The following TMPRSS15 variants were observed in gnomAD, a reference collection of about 807,000 sequenced individuals.
TMPRSS15 encodes the protein transmembrane serine protease 15, also known as enteropeptidase.
A neutral mutation model predicts 125.3 loss-of-function variants in TMPRSS15; 128 were observed. That is an observed-to-expected ratio of 1.02 (90% CI 0.89 to 1.18). The LOEUF (loss-of-function observed/expected upper bound fraction) is 1.18, where lower values mean the gene tolerates loss of function less well. Among genes scored for constraint, TMPRSS15 ranks in the 50% most tolerant of loss-of-function variants. TMPRSS15 has a pLI of 0.00. For missense variants in TMPRSS15, 1,283 were observed against 1,212.7 expected (o/e 1.06, Z -0.86); for synonymous variants, 446 against 423.2 (o/e 1.05, Z -0.66).
intron 21 of TMPRSS15, among the ~76,000 whole-genome samples, chr21:18,289,659 C>T (rs371061524): frequency 1.3e-5 from 2 of 152,184 alleles, no homozygotes; most frequent in African/African-American, 4.8e-5. Context: ...CCTGTGATGT[C>T]TCTGGTCTGC....
At chr21:18,354,433 T>G (rs2075604230) in intron 8 of TMPRSS15, among the ~76,000 whole-genome samples, 1 of 151,626 alleles carries the variant, frequency 6.6e-6, no homozygotes, top group Non-Finnish European at 1.5e-5. Context: ...TTTTTTTTCA[T>G]TTTTGATTGT....
chr21:18,328,978 A>C (rs1396154846), intron 15 of TMPRSS15, among the ~76,000 whole-genome samples, 191 bp downstream of exon 15: 1 of 152,210 alleles, frequency 6.6e-6, no homozygotes, highest in Non-Finnish European at 1.5e-5. Context: ...AACGTTCAAG[A>C]AAAATATTCC....
chr21:18,368,111 A>G (rs1485330149), intron 6 of TMPRSS15, among the ~76,000 whole-genome samples: 5 of 152,202 alleles, frequency 3.3e-5, no homozygotes, highest in African/African-American at 4.8e-5. Flanking sequence ...ACACACAGAG[A>G]GAGAAAGGGA....
intron 1 of TMPRSS15, among the ~76,000 whole-genome samples, chr21:18,402,603 A>T (rs2076106236): frequency 6.6e-6 from 1 of 152,056 alleles, no homozygotes. Context: ...AAATGTAAAA[A>T]ATTGTTTTTA....
At chr21:18,365,387 T>C (rs2075717187) in intron 6 of TMPRSS15, 139 bp from the exon 7 acceptor site, 3 of 751,308 alleles carry the variant, frequency 4.0e-6, no homozygotes, top group Non-Finnish European at 7.0e-6. Flanking sequence ...GATTTCATGT[T>C]TGAAACCTAT....
At chr21:18,391,219 C>CA in intron 3 of TMPRSS15, among the ~76,000 whole-genome samples, 1 of 152,320 alleles carries the variant, frequency 6.6e-6, no homozygotes, top group Non-Finnish European at 1.5e-5. Flanking sequence ...AACAGTCCCT[C>CA]AAAGTTTTAA....
chr21:18,329,087 T>A, intron 15 of TMPRSS15, 82 bp downstream of exon 15: 1 of 1,515,212 alleles, frequency 6.6e-7, no homozygotes, highest in Non-Finnish European at 9.1e-7. Context: ...AAAGAGTGAT[T>A]ACATTAATTA....
chr21:18,348,965 C>T (rs1230264501), intron 10 of TMPRSS15, among the ~76,000 whole-genome samples: 2 of 152,130 alleles, frequency 1.3e-5, no homozygotes, highest in African/African-American at 4.8e-5. Flanking sequence ...CTCAACCTCA[C>T]TTTCCAGATA....
At chr21:18,369,973 CGAAAA>C (rs1057317583) in intron 6 of TMPRSS15, among the ~76,000 whole-genome samples, 14 of 135,998 alleles carry the variant, frequency 1.0e-4, no homozygotes, top group Admixed American at 2.2e-4. Flanking sequence ...CTTACTTAAA[CGAAAA>C]AAAAAAAAAA....
At chr21:18,312,474 G>A (rs1369445541) in intron 18 of TMPRSS15, among the ~76,000 whole-genome samples, 26 of 148,034 alleles carry the variant, frequency 1.8e-4, no homozygotes, top group Non-Finnish European at 7.5e-5. Context: ...TAATTTTAAA[G>A]ATATTTTACA....
intron 17 of TMPRSS15, 48 bp from the exon 18 acceptor site, chr21:18,313,125 C>A (rs367616414): frequency 2.2e-6 from 3 of 1,344,626 alleles, no homozygotes; most frequent in Middle Eastern, 1.8e-4. Context: ...CTGAAGGGTG[C>A]GGAGTATGGG....
chr21:18,458,934 T>A (rs571349928), intron 1 of TMPRSS15, among the ~76,000 whole-genome samples: 2 of 152,316 alleles, frequency 1.3e-5, no homozygotes, highest in South Asian at 4.1e-4. Flanking sequence ...TTATCTTTTT[T>A]ATTTTGTTGT....
At chr21:18,337,253 T>A (rs1418420502) in intron 13 of TMPRSS15, among the ~76,000 whole-genome samples, 1 of 152,134 alleles carries the variant, frequency 6.6e-6, no homozygotes, top group Non-Finnish European at 1.5e-5. Context: ...AATGGTGAAA[T>A]AAAGAAAAAC....
At chr21:18,325,323 T>C (rs1381892922) in intron 16 of TMPRSS15, among the ~76,000 whole-genome samples, 2 of 152,210 alleles carry the variant, frequency 1.3e-5, no homozygotes, top group East Asian at 1.9e-4. Context: ...GATTAATCGA[T>C]TGAGCTACCA....
chr21:18,275,238 T>C lies in TMPRSS15; in HGVS notation c.2863A>G (p.Ile955Val). The C allele has an allele frequency of 6.2e-7, 1 of 1,614,084 alleles. No homozygotes were observed. The highest frequency in any genetic ancestry group is 8.5e-7 in the Non-Finnish European group (1 of 1,179,960). The change falls in exon 24 of 25, where the codon ATA (isoleucine) becomes GTA (valine). Residue 955 changes from isoleucine to valine, a missense_variant. Ile to Val is a conservative substitution (Grantham distance 29, BLOSUM62 3). Transcript: ENST00000284885. ...MPEYNITENMICAGYEEGGID... is the reference protein window; with the variant it reads ...MPEYNITENMVCAGYEEGGID... ...CCTCCTTCTTCATAGCCTGCACATA[T>C]CATATTTTCAGTAATGTTATATTCT...
intron 10 of TMPRSS15, among the ~76,000 whole-genome samples, chr21:18,352,272 T>A (rs1468751627): frequency 1.3e-5 from 2 of 152,062 alleles, no homozygotes; most frequent in Non-Finnish European, 2.9e-5. Flanking sequence ...CCACCTGGCA[T>A]CAATTCTAAT....
chr21:18,332,405 C>T (rs191934756), intron 13 of TMPRSS15, among the ~76,000 whole-genome samples: 9 of 152,030 alleles, frequency 5.9e-5, no homozygotes, highest in Admixed American at 2.0e-4. Flanking sequence ...GATTGTTGGC[C>T]GCATGTATGT....
At chr21:18,407,855 A>G (rs1240862676), upstream of TMPRSS15, among the ~76,000 whole-genome samples, 1 of 152,182 alleles carries the variant, frequency 6.6e-6, no homozygotes, top group Non-Finnish European at 1.5e-5. Flanking sequence ...CATATTTGGG[A>G]TGGCAAATAA....
At chr21:18,458,860 G>A (rs2123270529) in intron 1 of TMPRSS15, among the ~76,000 whole-genome samples, 1 of 152,036 alleles carries the variant, frequency 6.6e-6, no homozygotes, top group East Asian at 1.9e-4. Flanking sequence ...GATCATGTGA[G>A]TTTTCTAAAG....
Sources: allele counts gnomAD v4.1 joint callset (sites outside exome capture counted in the v4.1 genomes callset), GRCh38; gene constraint gnomAD v4.1.1; transcripts MANE v1.5; gene names NCBI Gene and HGNC (gene_info 2026-07-23, HGNC 2026-07-21).